Variants in SARM1 observed in about 807,000 individuals in gnomAD.
The protein encoded by SARM1 is sterile alpha and TIR motif containing 1.
Under a neutral mutation model 65.1 loss-of-function variants are expected in SARM1, and 60 were observed. That is an observed-to-expected ratio of 0.92 (90% CI 0.75 to 1.14). The LOEUF (loss-of-function observed/expected upper bound fraction) is 1.14. SARM1 is among the 50% of genes most tolerant of loss of function. SARM1 has a pLI of 0.00. For missense variants in SARM1, 913 were observed against 1,015.7 expected, an observed-to-expected ratio of 0.90 and a Z score of 1.37; for synonymous variants, 417 against 465.4, an observed-to-expected ratio of 0.90 and a Z score of 1.34.
At position 28,398,842 on chromosome 17, in the gene SARM1, C is replaced by G. The variant is rs782613700; in HGVS notation, c.*2556C>G. 6.6e-6 allele frequency: 1 copy of G among 152,226 alleles called. No individual in the cohort carries two copies. The allele number at this position is 152,226 out of a possible 1,614,324, so 9.4% of individuals were successfully genotyped here. On this transcript the variant is annotated 3_prime_UTR_variant, in exon 9 of 9. Transcript: ENST00000585482. ...CAATTTGGGGCATTGCTGATCTAGC[C>G]GTTCCTAGTGGGGCTTGCTCAAGGT... is the stretch of plus-strand genomic sequence containing the variant.
rs2068043054 is a variant in SARM1 at position 28,384,997 on chromosome 17, G to T, written c.1395-43G>T. On this transcript the variant is annotated intron_variant, in intron 4 of 8. Coordinates refer to ENST00000585482, the MANE Select transcript of SARM1 (RefSeq NM_015077.4). The surrounding 1 kb of genome is among the most constrained non-coding windows in gnomAD (Gnocchi z 4.4). ...TAAGCTCCCCCTCCGCCCACAGCCC[G>T]TCCGAGTCTGGACCTCAGCGTCTTC... 2 of 1,607,904 alleles carry T rather than the reference G, an allele frequency of 1.2e-6. No individual in the cohort carries two copies. The highest frequency in any genetic ancestry group is 2.2e-5 in the East Asian group (1 of 44,746).
At chr17:28,390,332 A>G (rs1368025729) in intron 7 of SARM1, among the ~76,000 whole-genome samples, 1 of 152,174 alleles carries the variant, frequency 6.6e-6, no homozygotes, top group Non-Finnish European at 1.5e-5. Flanking sequence ...CAGAGGGAGT[A>G]GGTTATAAAA....
At position 28,380,834 on chromosome 17, in the gene SARM1, G is replaced by C. The variant is rs147703603; in HGVS notation, c.471-369G>C. ...TTCTATTTTCTATTTATGAGATAAG[G>C]AAAGCAAGGTAGAGAGATAAAGGAA... On this transcript the variant is annotated intron_variant, in intron 1 of 8. Coordinates refer to ENST00000585482, the MANE Select transcript of SARM1 (RefSeq NM_015077.4). 2.0e-3 allele frequency among the ~76,000 whole-genome samples: 308 copies of C among 152,338 alleles called. 1 individual carries two copies. The highest frequency in any genetic ancestry group is 7.1e-3 in the African/African-American group (296 of 41,576).
At chr17:28,375,553 G>A (rs1257353995) in intron 1 of SARM1, among the ~76,000 whole-genome samples, 3 of 150,530 alleles carry the variant, frequency 2.0e-5, no homozygotes, top group Admixed American at 6.6e-5. Context: ...AGCCGAGATC[G>A]TGCCGCTGCA....
rs1273506942 is a variant in SARM1, at chr17:28,395,928, C to A, written c.1947C>A (p.Cys649Ter). Residue 649 changes from cysteine to a stop codon, truncating the protein, a stop_gained, in exon 8 of 9, where the codon TGC becomes TGA. Coordinates refer to ENST00000585482, the MANE Select transcript of SARM1 (RefSeq NM_015077.4). LOFTEE classifies it high-confidence loss of function. ...VHKEIVTALS[C>*]GKNIVPIIDG... ...AGGAGATTGTGACTGCTTTAAGCTG[C>A]GGCAAGAACATTGTGCCCATCATTG... 5 of 1,613,906 alleles carry A rather than the reference C, an allele frequency of 3.1e-6. No individual in the cohort carries two copies. Among genetic ancestry groups the A allele is most frequent in the Middle Eastern group, 1.6e-4 (1 of 6,062 alleles).
In SARM1 at chr17:28,371,885, C is replaced by G. The variant is rs2067956222; in HGVS notation, c.-148C>G. ...CGACACTCCTCCCCCAAACTTCTGA[C>G]CGGCACCCTTGCCTGGTACCCTTCT... On this transcript the variant is annotated 5_prime_UTR_variant, in exon 1 of 9. Transcript: ENST00000585482. The G allele has an allele frequency of 3.7e-6, 2 of 547,550 alleles. No individual in the cohort carries two copies. The highest frequency in any genetic ancestry group is 3.5e-5 in the East Asian group (1 of 28,466). 33.9% of individuals were successfully genotyped at this position (547,550 alleles called of 1,614,324 possible).
intron 8 of SARM1, 24 bp from the exon 9 acceptor site, chr17:28,396,133 C>T (rs1555587881): frequency 6.2e-7 from 1 of 1,613,936 alleles, no homozygotes; most frequent in Non-Finnish European, 8.5e-7. Context: ...GCTGTCTGAA[C>T]CACATTGGCT....
At position 28,381,277 on chromosome 17, in the gene SARM1, G is replaced by C; in HGVS notation, c.545G>C (p.Arg182Pro). Residue 182 changes from arginine to proline, a missense_variant, in exon 2 of 9, where the codon CGG (arginine) becomes CCG (proline). Arg to Pro is a moderately radical substitution (Grantham distance 103, BLOSUM62 -2). Transcript: ENST00000585482. ...AKEREPVELARSVAGILEHMF... is the reference protein window; with the variant it reads ...AKEREPVELAPSVAGILEHMF... ...GAACGCGAACCCGTAGAGCTGGCGC[G>C]GAGCGTGGCAGGCATCTTGGAGCAC... 6.2e-7 allele frequency: 1 copy of C among 1,608,350 alleles called. No individual in the cohort carries two copies. The highest frequency in any genetic ancestry group is 8.5e-7 in the Non-Finnish European group (1 of 1,177,706).
In SARM1 at chr17:28,382,589, T is replaced by C. The variant is rs569925367; in HGVS notation, c.1089+768T>C. Among the ~76,000 whole-genome samples, 189 of 152,330 alleles carry C rather than the reference T, an allele frequency of 1.2e-3. 1 individual carries two copies. Among genetic ancestry groups the C allele is most frequent in the Non-Finnish European group, 2.1e-3 (145 of 68,020 alleles). On this transcript the variant is annotated intron_variant, in intron 2 of 8. Coordinates refer to ENST00000585482, the MANE Select transcript of SARM1 (RefSeq NM_015077.4). The stretch of plus-strand genomic sequence containing the variant: ...ACTGCTTTAACTTGCTGTGTGACCT[T>C]GAGCACCTGGCTTCCCCTCTCTAGG...
At chr17:28,393,232 A>G (rs144135005) in intron 7 of SARM1, among the ~76,000 whole-genome samples, 7 of 152,284 alleles carry the variant, frequency 4.6e-5, no homozygotes, top group Admixed American at 1.3e-4. Flanking sequence ...GACAGGGACT[A>G]TCATTAATCC....
In SARM1 at chr17:28,372,066, C is replaced by T. The variant is rs782547545; in HGVS notation, c.34C>T (p.Leu12=). Residue 12 remains leucine, a synonymous_variant, in exon 1 of 9, where the codon CTG becomes TTG. Transcript: ENST00000585482. This position sits in a 1 kb window ranked among gnomAD's most constrained non-coding sequence, Gnocchi z 5.2. The part of the protein sequence containing the change: ...VLTLLLSAYK[L]CRFFAMSGPR... ...GACGCTGCTTCTCTCCGCCTACAAG[C>T]TGTGTCGCTTCTTCGCCATGTCGGG... 34 of 1,503,714 alleles carry T rather than the reference C, an allele frequency of 2.3e-5. No individual in the cohort carries two copies. The South Asian group carries it at 3.5e-4, about 16-fold the overall frequency. 93.1% of individuals were successfully genotyped at this position (1,503,714 alleles called of 1,614,324 possible). A position where few individuals can be genotyped will look rare whatever the true frequency, so the allele number is the denominator to read the frequency against.
Position 28,374,970 on chromosome 17 carries a change from C to CAA in SARM1, c.470+2492_470+2493dup, listed in dbSNP as rs35032822. ...CCTCAGTGACAGAGCCAGACCTTGT[C>CAA]AAAAAAAAAAAAAAAAAAAAAAAAA... On this transcript the variant is annotated intron_variant, in intron 1 of 8. Coordinates refer to ENST00000585482, the MANE Select transcript of SARM1 (RefSeq NM_015077.4). Among the ~76,000 whole-genome samples the CAA allele has an allele frequency of 4.3e-3, 306 of 70,406 alleles. 6 individuals are homozygous for CAA. The highest frequency in any genetic ancestry group is 6.2e-3 in the Non-Finnish European group (229 of 36,750). The allele number at this position is 70,406 out of a possible 152,430, so 46.2% of individuals were successfully genotyped here. A position where few individuals can be genotyped will look rare whatever the true frequency, so the allele number is the denominator to read the frequency against.
chr17:28,384,324 G>C lies in SARM1; in HGVS notation c.1090-33G>C. 3 of 1,510,748 alleles carry C rather than the reference G, an allele frequency of 2.0e-6. No homozygotes were observed. Among genetic ancestry groups the C allele is most frequent in the Non-Finnish European group, 2.7e-6 (3 of 1,122,114 alleles). 93.6% of individuals were successfully genotyped at this position (1,510,748 alleles called of 1,614,324 possible). On this transcript the variant is annotated intron_variant, in intron 2 of 8. Transcript: ENST00000585482. This position sits in a 1 kb window ranked among gnomAD's most constrained non-coding sequence, Gnocchi z 4.4. ...TGTGGGAGCACCTGGAGAGCTGGTG[G>C]GACCTACAGCCCTCTCCCCACTCCC...
In SARM1 at chr17:28,396,263, G is replaced by A; in HGVS notation, c.2152G>A (p.Ala718Thr). ...SAGSDTSLEG[A>T]APMGPT ...AGGCTCTGACACCAGTTTGGAGGGT[G>A]CTGCACCCATGGGTCCAACCTAACC... Residue 718 changes from alanine to threonine, a missense_variant, in exon 9 of 9, where the codon GCT (alanine) becomes ACT (threonine). By Grantham distance (58) the Ala-to-Thr change is moderately conservative. Transcript: ENST00000585482. 1.2e-6 allele frequency: 2 copies of A among 1,614,006 alleles called. No individual in the cohort carries two copies. The highest frequency in any genetic ancestry group is 1.7e-6 in the Non-Finnish European group (2 of 1,179,884).
intron 7 of SARM1, chr17:28,395,642 A>C: frequency 3.3e-5 from 13 of 389,098 alleles, no homozygotes; most frequent in Non-Finnish European, 3.8e-5. Flanking sequence ...CCAGTGGGGA[A>C]TCATCTCTTT....
chr17:28,372,185 C>A lies in SARM1; in HGVS notation c.153C>A (p.Arg51=). 7.3e-7 allele frequency: 1 copy of A among 1,362,634 alleles called. No homozygotes were observed. The highest frequency in any genetic ancestry group is 9.4e-7 in the Non-Finnish European group (1 of 1,067,774). 84.4% of individuals were successfully genotyped at this position (1,362,634 alleles called of 1,614,324 possible). Residue 51 remains arginine, a synonymous_variant, in exon 1 of 9, where the codon CGC becomes CGA. Transcript: ENST00000585482. This position sits in a 1 kb window ranked among gnomAD's most constrained non-coding sequence, Gnocchi z 5.2. ...PWWAAGGRGP[R]EVSPGAGTEV... is the part of the protein sequence containing the mutation. The stretch of plus-strand genomic sequence containing the variant: ...GGGCTGCGGGTGGCCGCGGGCCCCG[C>A]GAAGTGTCGCCGGGGGCAGGCACCG...
intron 1 of SARM1, among the ~76,000 whole-genome samples, chr17:28,378,168 C>T (rs1445605860): frequency 1.3e-5 from 2 of 152,356 alleles, no homozygotes; most frequent in South Asian, 4.1e-4. Context: ...GGCCAGGCCA[C>T]TCCCCTCCCT....
Position 28,396,186 on chromosome 17 carries a change from T to C in SARM1, c.2075T>C (p.Ile692Thr). 3 of 1,613,964 alleles carry C rather than the reference T, an allele frequency of 1.9e-6. No homozygotes were observed. Among genetic ancestry groups the C allele is most frequent in the Non-Finnish European group, 2.5e-6 (3 of 1,179,852 alleles). ...TCCCACGAATACCAGGAGGCCACCA[T>C]TGAGAAGATCATCCGCTTCCTGCAG... The part of the protein sequence containing the change: ...KWSHEYQEAT[I>T]EKIIRFLQGR... The change falls in exon 9 of 9, where the codon ATT (isoleucine) becomes ACT (threonine). Residue 692 changes from isoleucine (I) to threonine (T), a missense_variant. Coordinates refer to ENST00000585482, the MANE Select transcript of SARM1 (RefSeq NM_015077.4).
Position 28,384,311 on chromosome 17 carries a change from T to A in SARM1, c.1090-46T>A. On this transcript the variant is annotated intron_variant, in intron 2 of 8. Coordinates refer to ENST00000585482, the MANE Select transcript of SARM1 (RefSeq NM_015077.4). This position sits in a 1 kb window ranked among gnomAD's most constrained non-coding sequence, Gnocchi z 4.4. ...GGGACTGGGCACGTGTGGGAGCACC[T>A]GGAGAGCTGGTGGGACCTACAGCCC... The A allele has an allele frequency of 6.8e-7, 1 of 1,471,984 alleles. No individual in the cohort carries two copies. 91.2% of individuals were successfully genotyped at this position (1,471,984 alleles called of 1,614,324 possible). A position where few individuals can be genotyped will look rare whatever the true frequency, so the allele number is the denominator to read the frequency against.
Sources: gnomAD v4.1 joint callset for allele counts (sites outside exome capture counted in the v4.1 genomes callset) on GRCh38, gnomAD v4.1.1 for gene constraint, Gnocchi (gnomAD v3.1) non-coding constraint, MANE v1.5 for transcripts, NCBI Gene and HGNC (gene_info 2026-07-23, HGNC 2026-07-21) for gene names.